Variants in ENTREP2 observed in about 807,000 individuals in gnomAD.
ENTREP2 encodes protein ENTREP2.
At chr15:29,182,943 C>T in the ENTREP2 span, among the ~76,000 whole-genome samples, 2 of 152,154 alleles carry the variant, frequency 1.3e-5, no homozygotes, top group South Asian at 2.1e-4. Flanking sequence ...CAACTAGATC[C>T]GTATCTCACA....
chr15:29,204,737 T>G, the ENTREP2 span, among the ~76,000 whole-genome samples: 24 of 152,162 alleles, frequency 1.6e-4, no homozygotes, highest in Admixed American at 1.6e-3. Flanking sequence ...AGAAAAAATT[T>G]GTAGAAACTA....
the ENTREP2 span, among the ~76,000 whole-genome samples, chr15:29,198,730 C>T: frequency 6.4e-4 from 98 of 152,350 alleles, no homozygotes; most frequent in East Asian, 7.5e-3. Flanking sequence ...ATTCCTCCCA[C>T]TTGCTGCACC....
At chr15:29,633,414 T>C in the ENTREP2 span, among the ~76,000 whole-genome samples, 2 of 152,096 alleles carry the variant, frequency 1.3e-5, no homozygotes, top group Non-Finnish European at 2.9e-5. Context: ...AATAATCCAT[T>C]GTAATTCAAT....
the ENTREP2 span, among the ~76,000 whole-genome samples, chr15:29,351,063 T>G: frequency 6.6e-6 from 1 of 152,220 alleles, no homozygotes. Flanking sequence ...AATGTGTCAT[T>G]CTGAGCAATG....
chr15:29,582,383 TA>T, the ENTREP2 span, among the ~76,000 whole-genome samples: 1 of 151,750 alleles, frequency 6.6e-6, no homozygotes, highest in Non-Finnish European at 1.5e-5. Context: ...AAATAAAGAC[TA>T]AACAAAAAGC....
chr15:29,632,960 T>C, the ENTREP2 span, among the ~76,000 whole-genome samples: 14 of 152,320 alleles, frequency 9.2e-5, no homozygotes, highest in African/African-American at 2.9e-4. Context: ...GTGAGACAAG[T>C]TGCATGAGGA....
At chr15:29,367,605 G>A in the ENTREP2 span, among the ~76,000 whole-genome samples, 3 of 152,160 alleles carry the variant, frequency 2.0e-5, no homozygotes, top group African/African-American at 7.2e-5. Context: ...AGTGCCACAT[G>A]CATGCATAGC....
the ENTREP2 span, among the ~76,000 whole-genome samples, chr15:29,264,542 T>C: frequency 6.6e-6 from 1 of 152,198 alleles, no homozygotes; most frequent in Non-Finnish European, 1.5e-5. Context: ...TTCTGTGATA[T>C]TCTTCCCAAA....
chr15:29,656,369 A>G, the ENTREP2 span, among the ~76,000 whole-genome samples: 1 of 151,980 alleles, frequency 6.6e-6, no homozygotes, highest in Non-Finnish European at 1.5e-5. Flanking sequence ...GGGACTACAG[A>G]CATCCATCAC....
chr15:29,118,361 T>G, the ENTREP2 span: 7 of 152,248 alleles, frequency 4.6e-5, no homozygotes, highest in African/African-American at 1.7e-4. Flanking sequence ...GGTGCCCGCC[T>G]GTCCTTTCAT....
chr15:29,303,531 C>T, the ENTREP2 span, among the ~76,000 whole-genome samples: 1 of 151,862 alleles, frequency 6.6e-6, no homozygotes, highest in Non-Finnish European at 1.5e-5. Context: ...TAGGGGTACA[C>T]TGTCATAGAG....
At chr15:29,563,343 C>CT in the ENTREP2 span, among the ~76,000 whole-genome samples, 50 of 152,180 alleles carry the variant, frequency 3.3e-4, no homozygotes, top group African/African-American at 9.4e-4. Context: ...ATATCACCTT[C>CT]TTTTTTTTAT....
the ENTREP2 span, among the ~76,000 whole-genome samples, chr15:29,210,155 C>T: frequency 1.9e-5 from 2 of 106,432 alleles, no homozygotes; most frequent in African/African-American, 3.6e-5. Context: ...GCCCACACCT[C>T]GAACTACACC....
the ENTREP2 span, among the ~76,000 whole-genome samples, chr15:29,132,296 T>C: frequency 6.6e-6 from 1 of 152,196 alleles, no homozygotes; most frequent in East Asian, 1.9e-4. Context: ...CGGCACGGCC[T>C]TCCCTCTGTG....
At chr15:29,187,233 AACATATTACACTGTC>A in the ENTREP2 span, among the ~76,000 whole-genome samples, 1 of 152,128 alleles carries the variant, frequency 6.6e-6, no homozygotes, top group African/African-American at 2.4e-5. Context: ...GTGAAAACAC[AACATATTACACTGTC>A]ACTGTCTGTT....
chr15:29,239,952 C>A, the ENTREP2 span, among the ~76,000 whole-genome samples: 1 of 152,164 alleles, frequency 6.6e-6, no homozygotes, highest in Non-Finnish European at 1.5e-5. Context: ...AGATATATTC[C>A]TTCCCTCCGC....
the ENTREP2 span, among the ~76,000 whole-genome samples, chr15:29,251,998 T>A: frequency 6.6e-6 from 1 of 152,210 alleles, no homozygotes; most frequent in African/African-American, 2.4e-5. Context: ...CACTTAAAAC[T>A]GACTTGCAAA....
At chr15:29,290,235 C>CCCGAG in the ENTREP2 span, among the ~76,000 whole-genome samples, 1 of 152,218 alleles carries the variant, frequency 6.6e-6, no homozygotes, top group African/African-American at 2.4e-5. Flanking sequence ...AGGGCACTCT[C>CCCGAG]CCGAGCCATA....
At chr15:29,123,137 C>T in the ENTREP2 span, 16 of 562,176 alleles carry the variant, frequency 2.8e-5, no homozygotes, top group Non-Finnish European at 5.0e-5. Context: ...AATGCAATCC[C>T]CAAAGAGACA....
Sources: allele counts gnomAD v4.1 joint callset (sites outside exome capture counted in the v4.1 genomes callset), GRCh38; gene constraint gnomAD v4.1.1; transcripts MANE v1.5; gene names NCBI Gene and HGNC (gene_info 2026-07-23, HGNC 2026-07-21).